The following SEC31A variants were observed in gnomAD, a reference collection of about 807,000 sequenced individuals.
The protein encoded by SEC31A is protein transport protein Sec31A.
SEC31A carries 70 observed loss-of-function variants against 151.0 expected under a neutral mutation model. That is an observed-to-expected ratio of 0.46 (90% CI 0.38 to 0.57). The LOEUF is 0.57. Among genes scored for constraint, SEC31A ranks in the 20% least tolerant of loss-of-function variants. The pLI, the probability that SEC31A is intolerant of heterozygous loss-of-function variation, is 0.00. For missense variants in SEC31A, 1,330 were observed against 1,471.2 expected (o/e 0.90, Z 1.57); for synonymous variants, 475 against 505.9 (o/e 0.94, Z 0.82).
Position 82,827,481 on chromosome 4 carries a change from C to T in SEC31A, c.3179G>A (p.Gly1060Asp), listed in dbSNP as rs1164737948. 1 of 1,614,168 alleles carries T rather than the reference C, an allele frequency of 6.2e-7. No homozygotes were observed. The highest frequency in any genetic ancestry group is 8.5e-7 in the Non-Finnish European group (1 of 1,180,030). The change falls in exon 24 of 27, where the codon GGC (glycine) becomes GAC (aspartate). Residue 1060 changes from glycine (G) to aspartate (D), a missense_variant. Physicochemically the swap from Gly to Asp is moderately conservative, Grantham distance 94. Transcript: ENST00000395310. ...TTGCTGTACGCCATGGAAGGGCTGG[C>T]CACCTGGAAGATGTGGCTGTGGGAA... The part of the protein sequence containing the change: ...SSFPQPHLPG[G>D]QPFHGVQQPL...
At chr4:82,899,656 C>T (rs556640557) in intron 3 of SEC31A, 1 of 152,622 alleles carries the variant, frequency 6.6e-6, no homozygotes, top group African/African-American at 2.4e-5. Context: ...GCTATTAATT[C>T]CATTCAGAGA....
At chr4:82,879,858 T>A (rs1738881263) in intron 3 of SEC31A, among the ~76,000 whole-genome samples, 1 of 152,180 alleles carries the variant, frequency 6.6e-6, no homozygotes, top group South Asian at 2.1e-4. Context: ...TTAGAAATCG[T>A]GTCAACAAAA....
At chr4:82,843,453 T>C (rs1327508696) in intron 21 of SEC31A, among the ~76,000 whole-genome samples, 2 of 152,174 alleles carry the variant, frequency 1.3e-5, no homozygotes, top group Non-Finnish European at 2.9e-5. Flanking sequence ...GAGATCTAAA[T>C]ATAAATACCA....
chr4:82,856,924 GTTATTGC>G, intron 16 of SEC31A, 21 bp downstream of exon 16: 1 of 1,564,396 alleles, frequency 6.4e-7, no homozygotes, highest in Non-Finnish European at 8.7e-7. Flanking sequence ...AGATAAATAC[GTTATTGC>G]TTATTTTTAA....
intron 10 of SEC31A, among the ~76,000 whole-genome samples, chr4:82,865,531 A>T: frequency 7.0e-6 from 1 of 141,992 alleles, no homozygotes; most frequent in Non-Finnish European, 1.5e-5. Flanking sequence ...ATAAAAAAAA[A>T]TGTGGTATAT....
At chr4:82,827,665 G>A (rs1255721726) in intron 23 of SEC31A, 33 bp from the exon 24 acceptor site, 1 of 1,601,024 alleles carries the variant, frequency 6.2e-7, no homozygotes, top group African/African-American at 1.3e-5. Context: ...GACACCAGGA[G>A]TAAGAATAAA....
chr4:82,881,194 G>A (rs998217896), intron 2 of SEC31A, among the ~76,000 whole-genome samples: 4 of 152,042 alleles, frequency 2.6e-5, no homozygotes, highest in East Asian at 1.9e-4. Context: ...GGCTGGGCAC[G>A]GTGGCTCATG....
chr4:82,849,010 A>C, intron 19 of SEC31A, 33 bp from the exon 20 acceptor site: 5 of 1,590,554 alleles, frequency 3.1e-6, no homozygotes, highest in Non-Finnish European at 4.3e-6. Flanking sequence ...CAGACTGTTG[A>C]GAGTTCACCC....
At chr4:82,866,752 A>C in intron 10 of SEC31A, 56 bp downstream of exon 10, 1 of 1,483,050 alleles carries the variant, frequency 6.7e-7, no homozygotes, top group Non-Finnish European at 9.1e-7. Flanking sequence ...CTATAATAAC[A>C]CTTTGGTATA....
chr4:82,846,365 A>ACATCATCAT (rs1186715218), intron 20 of SEC31A, among the ~76,000 whole-genome samples: 48 of 27,358 alleles, frequency 1.8e-3, no homozygotes, highest in African/African-American at 6.0e-3. Flanking sequence ...AAACTCCAAA[A>ACATCATCAT]CATAATAATA....
intron 16 of SEC31A, among the ~76,000 whole-genome samples, chr4:82,855,401 AGG>A (rs1424383537): frequency 2.0e-5 from 3 of 152,214 alleles, no homozygotes; most frequent in Admixed American, 1.3e-4. Flanking sequence ...TTCCAGGCCA[AGG>A]GAACGACAGA....
At chr4:82,891,357 G>T (rs1054513503), upstream of SEC31A, 8 of 632,764 alleles carry the variant, frequency 1.3e-5, no homozygotes, top group African/African-American at 9.3e-5. Context: ...GGCGCTCTGC[G>T]GTCATCGCGC....
intron 22 of SEC31A, among the ~76,000 whole-genome samples, chr4:82,832,202 A>T (rs1726099974): frequency 6.6e-6 from 1 of 152,230 alleles, no homozygotes; most frequent in Non-Finnish European, 1.5e-5. Context: ...ACTGGTACCA[A>T]AACAGATATA....
intron 1 of SEC31A, among the ~76,000 whole-genome samples, chr4:82,888,372 AACAC>A (rs1553938372): frequency 2.3e-5 from 1 of 42,956 alleles, no homozygotes; most frequent in Admixed American, 3.9e-4. Context: ...AAAAAAAAAA[AACAC>A]ACAAAAAACA....
chr4:82,889,764 C>T (rs1388329259), intron 1 of SEC31A, among the ~76,000 whole-genome samples: 2 of 151,720 alleles, frequency 1.3e-5, no homozygotes, highest in African/African-American at 4.8e-5. Flanking sequence ...ATTATAAATC[C>T]ACCTCAAATT....
chr4:82,851,677 G>A, intron 18 of SEC31A, 73 bp from the exon 19 acceptor site: 1 of 1,312,320 alleles, frequency 7.6e-7, no homozygotes, highest in Non-Finnish European at 1.1e-6. Flanking sequence ...AAGATCAAGA[G>A]TTACTAAGAT....
chr4:82,864,542 A>C lies in SEC31A; in HGVS notation c.1254T>G (p.Ala418=). ...CATGGTGCTGCTGCTGCTGCTGCTCAGCTCCCTGATGAGAAGGCATTCTGA... is the reference window on the plus strand; with the variant it reads ...CATGGTGCTGCTGCTGCTGCTGCTCCGCTCCCTGATGAGAAGGCATTCTGA... ...ENVRMPSHQG[A]EQQQQQHHVF... Residue 418 remains alanine (A), a synonymous_variant, in exon 11 of 27, where the codon GCT becomes GCG. Transcript: ENST00000395310. The C allele has an allele frequency of 6.2e-7, 1 of 1,614,104 alleles. No individual in the cohort carries two copies. Among genetic ancestry groups the C allele is most frequent in the Non-Finnish European group, 8.5e-7 (1 of 1,180,012 alleles).
chr4:82,867,354 T>C, intron 8 of SEC31A, 38 bp from the exon 9 acceptor site: 3 of 1,593,724 alleles, frequency 1.9e-6, no homozygotes, highest in Non-Finnish European at 2.6e-6. Flanking sequence ...ACTCAGAAAA[T>C]GGTATGGCCA....
chr4:82,847,280 CT>C (rs1040974405), intron 20 of SEC31A, among the ~76,000 whole-genome samples: 11 of 152,310 alleles, frequency 7.2e-5, no homozygotes, highest in Non-Finnish European at 1.3e-4. Flanking sequence ...CTCTCACCCC[CT>C]TGCCTCTGCC....
Sources: allele counts gnomAD v4.1 joint callset (sites outside exome capture counted in the v4.1 genomes callset), GRCh38; gene constraint gnomAD v4.1.1; transcripts MANE v1.5; gene names NCBI Gene and HGNC (gene_info 2026-07-23, HGNC 2026-07-21).